Variants in DROSHA observed in about 807,000 individuals in gnomAD.
DROSHA encodes drosha ribonuclease III, also known as ribonuclease 3.
DROSHA carries 56 observed loss-of-function variants against 181.9 expected under a neutral mutation model. That is an observed-to-expected ratio of 0.31 (90% CI 0.25 to 0.38). DROSHA has a LOEUF of 0.38. DROSHA is among the 10% of genes least tolerant of loss of function. The pLI is 1.00. For missense variants in DROSHA, 1,218 were observed against 1,743.5 expected, an observed-to-expected ratio of 0.70 and a Z score of 5.37; for synonymous variants, 524 against 591.2, an observed-to-expected ratio of 0.89 and a Z score of 1.65.
At chr5:31,520,671 C>T (rs7719666) in intron 6 of DROSHA, among the ~76,000 whole-genome samples, 67,308 of 151,902 alleles carry the variant, frequency 0.44, 15,200 homozygotes, top group South Asian at 0.5. Context: ...TCATTACCAT[C>T]ATATTAATGT....
chr5:31,494,736 A>C (rs1192163797), intron 12 of DROSHA, among the ~76,000 whole-genome samples: 1 of 151,906 alleles, frequency 6.6e-6, no homozygotes, highest in Non-Finnish European at 1.5e-5. Flanking sequence ...CCCAGGCTGG[A>C]GTAAAGTGGT....
chr5:31,458,872 G>A (rs558852033), intron 20 of DROSHA, among the ~76,000 whole-genome samples: 1 of 152,282 alleles, frequency 6.6e-6, no homozygotes, highest in South Asian at 2.1e-4. Context: ...AGAAGTACCT[G>A]GTAAATGACA....
At chr5:31,468,992 G>C (rs1749430072) in intron 17 of DROSHA, among the ~76,000 whole-genome samples, 1 of 152,118 alleles carries the variant, frequency 6.6e-6, no homozygotes, top group African/African-American at 2.4e-5. Flanking sequence ...TCAGCAACTG[G>C]GACAAACTGG....
At chr5:31,492,953 C>T (rs534424174) in intron 13 of DROSHA, among the ~76,000 whole-genome samples, 2 of 152,162 alleles carry the variant, frequency 1.3e-5, no homozygotes, top group Non-Finnish European at 2.9e-5. Flanking sequence ...CAATCTTTCA[C>T]ACTCTCAAAA....
chr5:31,450,456 A>G (rs1027705487), intron 21 of DROSHA, among the ~76,000 whole-genome samples: 4 of 152,256 alleles, frequency 2.6e-5, no homozygotes, highest in African/African-American at 9.6e-5. Flanking sequence ...ATGAGTGGAT[A>G]AAGAAAACGT....
chr5:31,422,660 A>G lies in DROSHA; in HGVS notation c.3419+127T>C, dbSNP rs548695389. The G allele has an allele frequency of 7.4e-5, 88 of 1,184,432 alleles. 1 individual carries two copies. The highest frequency in any genetic ancestry group is 1.0e-4 in the Non-Finnish European group (86 of 845,776). 73.4% of individuals were successfully genotyped at this position (1,184,432 alleles called of 1,614,324 possible). On this transcript the variant is annotated intron_variant, in intron 29 of 35. Coordinates refer to ENST00000344624, the MANE Select transcript of DROSHA (RefSeq NM_001382508.1). ...CACACTGAGGTCTGTCTGCTCACCC[A>G]TCTCACAATGTGACTTTCCTGGAAA...
chr5:31,484,504 CAT>C (rs1491504440), intron 15 of DROSHA, among the ~76,000 whole-genome samples: 2 of 144,970 alleles, frequency 1.4e-5, no homozygotes, highest in Non-Finnish European at 1.5e-5. Context: ...TGCGTGTGTG[CAT>C]GTGTGTGTTT....
Position 31,409,515 on chromosome 5 carries a change from A to C in DROSHA, c.3668-183T>G. Reference sequence around the variant, plus strand: ...TCATTAATATCAGAAGCAGCAAGAGATGTGTAAGATGCAAATCATAGAGTA... The same window carrying C: ...TCATTAATATCAGAAGCAGCAAGAGCTGTGTAAGATGCAAATCATAGAGTA... On this transcript the variant is annotated intron_variant, in intron 31 of 35. Transcript: ENST00000344624. The surrounding 1 kb of genome is among the most constrained non-coding windows in gnomAD (Gnocchi z 4.0). The C allele has an allele frequency of 1.7e-6, 1 of 589,270 alleles. No homozygotes were observed. The highest frequency in any genetic ancestry group is 3.0e-6 in the Non-Finnish European group (1 of 329,366). 36.5% of individuals were successfully genotyped at this position (589,270 alleles called of 1,614,324 possible).
rs1489680782 is a variant in DROSHA at position 31,485,218 on chromosome 5, T to C, written c.1915-256A>G. On this transcript the variant is annotated intron_variant, in intron 14 of 35. Transcript: ENST00000344624. ...AAAATAAGAAATTCAAAAAGTAAAG[T>C]CTCACTTATATTAATATATTTTTCT... 3.3e-5 allele frequency among the ~76,000 whole-genome samples: 5 copies of C among 152,078 alleles called. No homozygotes were observed. The East Asian group carries it at 7.7e-4, about 23-fold the overall frequency.
At chr5:31,407,104 G>T (rs1175492531) in intron 33 of DROSHA, 159 bp from the exon 34 acceptor site, 2 of 455,592 alleles carry the variant, frequency 4.4e-6, no homozygotes, top group African/African-American at 4.1e-5. Flanking sequence ...TTAAGTTTTT[G>T]ATTTGCTAAT....
At position 31,493,188 on chromosome 5, in the gene DROSHA, C is replaced by T; in HGVS notation, c.1842+19G>A. ...GAGGTACAAGGAAAGAGAAAAGCAG[C>T]CAACTGGCACATACTTACATTGGTC... is the stretch of plus-strand genomic sequence containing the variant. On this transcript the variant is annotated intron_variant, in intron 13 of 35. Transcript: ENST00000344624. 6 of 1,595,358 alleles carry T rather than the reference C, an allele frequency of 3.8e-6. No individual in the cohort carries two copies. Among genetic ancestry groups the T allele is most frequent in the Non-Finnish European group, 5.1e-6 (6 of 1,171,804 alleles).
At chr5:31,418,062 G>A (rs112467024) in intron 30 of DROSHA, among the ~76,000 whole-genome samples, 27 of 152,116 alleles carry the variant, frequency 1.8e-4, no homozygotes, top group African/African-American at 6.0e-4. Flanking sequence ...GGAGACACCT[G>A]GGGACTCCAG....
intron 30 of DROSHA, among the ~76,000 whole-genome samples, chr5:31,416,544 TGGGTAA>T (rs973742196): frequency 5.4e-4 from 82 of 151,444 alleles, no homozygotes; most frequent in African/African-American, 2.0e-3. Context: ...GGGGGCGGGA[TGGGTAA>T]GGGTGGTCAG....
At chr5:31,432,844 T>A (rs571287236) in intron 25 of DROSHA, among the ~76,000 whole-genome samples, 46 of 152,346 alleles carry the variant, frequency 3.0e-4, no homozygotes, top group Middle Eastern at 6.8e-3. Context: ...CCCATGGCAT[T>A]ACAACATACA....
At position 31,464,218 on chromosome 5, in the gene DROSHA, C is replaced by T. The variant is rs1748755238; in HGVS notation, c.2574+18G>A. ...AAGAAAAGTATGGGCATAACTGTGT[C>T]CTCAGAAGTCTCCCCACCTGACAGA... On this transcript the variant is annotated intron_variant, in intron 20 of 35. Coordinates refer to ENST00000344624, the MANE Select transcript of DROSHA (RefSeq NM_001382508.1). 1 of 1,609,756 alleles carries T rather than the reference C, an allele frequency of 6.2e-7. No homozygotes were observed. Among genetic ancestry groups the T allele is most frequent in the Admixed American group, 1.7e-5 (1 of 59,836 alleles).
rs1330599992 is a variant in DROSHA, at chr5:31,514,394, A to G, written c.1290+594T>C. Among the ~76,000 whole-genome samples, 1 of 152,156 alleles carries G rather than the reference A, an allele frequency of 6.6e-6. No homozygotes were observed. The highest frequency in any genetic ancestry group is 1.5e-5 in the Non-Finnish European group (1 of 68,024). ...AGTGGCTCACACCTGTAATCCCAGCACTTTGGGAGGCCAAGGCAGGAGGAT... is the reference window on the plus strand; with the variant it reads ...AGTGGCTCACACCTGTAATCCCAGCGCTTTGGGAGGCCAAGGCAGGAGGAT... On this transcript the variant is annotated intron_variant, in intron 8 of 35. Transcript: ENST00000344624. The surrounding 1 kb of genome is among the most constrained non-coding windows in gnomAD (Gnocchi z 4.4).
chr5:31,429,357 A>T, intron 27 of DROSHA, 118 bp downstream of exon 27: 1 of 900,484 alleles, frequency 1.1e-6, no homozygotes, highest in South Asian at 2.1e-5. Flanking sequence ...TGTCCCATCT[A>T]TGGTAGATCT....
intron 30 of DROSHA, among the ~76,000 whole-genome samples, chr5:31,413,090 G>GCCC (rs1741517593): frequency 6.6e-6 from 1 of 152,196 alleles, no homozygotes; most frequent in Admixed American, 6.5e-5. Context: ...TGGCGGCCAG[G>GCCC]CCCCACCTGC....
Position 31,463,147 on chromosome 5 carries a change from T to G in DROSHA, c.2574+1089A>C, listed in dbSNP as rs975472062. On this transcript the variant is annotated intron_variant, in intron 20 of 35. Coordinates refer to ENST00000344624, the MANE Select transcript of DROSHA (RefSeq NM_001382508.1). ...AAGTAAAATATTCATCTGAAAGTAC[T>G]GACAGTCATAAGATATTTGTCAATC... Among the ~76,000 whole-genome samples the G allele has an allele frequency of 5.9e-5, 9 of 152,318 alleles. No homozygotes were observed. In the South Asian group the frequency reaches 1.9e-3, roughly 32 times the overall value.
Sources: allele counts gnomAD v4.1 joint callset (sites outside exome capture counted in the v4.1 genomes callset), GRCh38; gene constraint gnomAD v4.1.1; non-coding constraint Gnocchi (gnomAD v3.1); transcripts MANE v1.5; gene names NCBI Gene and HGNC (gene_info 2026-07-23, HGNC 2026-07-21).